PPP1R12A: variants seen among roughly 807,000 people sequenced by gnomAD.
PPP1R12A encodes myosin binding subunit.
PPP1R12A carries 19 observed loss-of-function variants against 139.6 expected under a neutral mutation model. That is an observed-to-expected ratio of 0.14 (90% CI 0.09 to 0.20). The LOEUF (loss-of-function observed/expected upper bound fraction) is 0.20. Ranked by LOEUF, PPP1R12A falls within the 10% of genes least tolerant of loss-of-function variation. The pLI is 1.00. For missense variants in PPP1R12A, 925 were observed against 1,211.5 expected (o/e 0.76, Z 3.51); for synonymous variants, 427 against 420.6 (o/e 1.02, Z -0.19).
intron 2 of PPP1R12A, among the ~76,000 whole-genome samples, chr12:79,852,166 T>C (rs531150911): frequency 1.3e-5 from 2 of 151,838 alleles, no homozygotes; most frequent in African/African-American, 2.4e-5. Flanking sequence ...TCTAGGTTCC[T>C]AGTATGACAA....
At chr12:79,824,036 T>C (rs2137123655) in intron 5 of PPP1R12A, 1 of 152,334 alleles carries the variant, frequency 6.6e-6, no homozygotes, top group East Asian at 1.9e-4. Context: ...AGACAATCTA[T>C]CCTTTCCCAC....
intron 3 of PPP1R12A, among the ~76,000 whole-genome samples, chr12:79,840,393 T>A (rs984932467): frequency 6.6e-6 from 1 of 152,276 alleles, no homozygotes; most frequent in East Asian, 1.9e-4. Context: ...TTCCCAGAAC[T>A]CCCCCTCCTT....
chr12:79,912,230 T>G (rs928792581), intron 1 of PPP1R12A, among the ~76,000 whole-genome samples: 1 of 152,200 alleles, frequency 6.6e-6, no homozygotes, highest in Non-Finnish European at 1.5e-5. Flanking sequence ...ATCCAAACTC[T>G]CAAAACCTTC....
chr12:79,855,651 C>T (rs1880560334), intron 2 of PPP1R12A, among the ~76,000 whole-genome samples: 1 of 151,928 alleles, frequency 6.6e-6, no homozygotes, highest in Non-Finnish European at 1.5e-5. Flanking sequence ...TTATGTAACA[C>T]TCCCACCAGG....
intron 18 of PPP1R12A, among the ~76,000 whole-genome samples, chr12:79,794,987 G>T (rs1872343646): frequency 6.7e-6 from 1 of 149,554 alleles, no homozygotes; most frequent in East Asian, 2.0e-4. Context: ...GAGAACATGG[G>T]GGCAATCTAC....
intron 1 of PPP1R12A, among the ~76,000 whole-genome samples, chr12:79,925,072 C>A (rs1887728740): frequency 6.6e-6 from 1 of 152,058 alleles, no homozygotes; most frequent in African/African-American, 2.4e-5. Flanking sequence ...AAAAAAAACT[C>A]TCAACACTGA....
At chr12:79,801,851 A>G (rs1873221830) in intron 14 of PPP1R12A, among the ~76,000 whole-genome samples, 1 of 152,182 alleles carries the variant, frequency 6.6e-6, no homozygotes, top group Admixed American at 6.5e-5. Context: ...ACATAATTAC[A>G]TTTGTAGCTA....
chr12:79,904,739 T>C (rs1164158544), intron 1 of PPP1R12A, among the ~76,000 whole-genome samples: 1 of 152,216 alleles, frequency 6.6e-6, no homozygotes, highest in African/African-American at 2.4e-5. Context: ...TCTGCAGATT[T>C]CACTTGCTCC....
chr12:79,789,699 A>C (rs937871354), intron 20 of PPP1R12A: 1 of 450,398 alleles, frequency 2.2e-6, no homozygotes, highest in Non-Finnish European at 4.4e-6. Flanking sequence ...AACAATGATA[A>C]GAGAAATGGA....
chr12:79,813,942 A>G (rs969195947), intron 9 of PPP1R12A, among the ~76,000 whole-genome samples: 1 of 152,218 alleles, frequency 6.6e-6, no homozygotes, highest in Non-Finnish European at 1.5e-5. Context: ...GGAGAACTTG[A>G]TAACTTTATC....
At chr12:79,805,342 TAAGAA>T (rs1455044465) in intron 14 of PPP1R12A, among the ~76,000 whole-genome samples, 1 of 152,222 alleles carries the variant, frequency 6.6e-6, no homozygotes, top group Non-Finnish European at 1.5e-5. Context: ...CTAAAATGTT[TAAGAA>T]AACAACTGTC....
chr12:79,861,173 C>A (rs1374157951), intron 2 of PPP1R12A, among the ~76,000 whole-genome samples: 1 of 152,064 alleles, frequency 6.6e-6, no homozygotes, highest in Non-Finnish European at 1.5e-5. Context: ...TCTTGCAATA[C>A]CAAAGAGTAA....
At chr12:79,876,243 CATACTATAT>C (rs1234631617) in intron 1 of PPP1R12A, among the ~76,000 whole-genome samples, 1 of 152,188 alleles carries the variant, frequency 6.6e-6, no homozygotes, top group Non-Finnish European at 1.5e-5. Flanking sequence ...TTTATTACAA[CATACTATAT>C]ATACTTTGCT....
At chr12:79,904,170 A>G (rs921980799) in intron 1 of PPP1R12A, among the ~76,000 whole-genome samples, 4 of 151,726 alleles carry the variant, frequency 2.6e-5, no homozygotes, top group Non-Finnish European at 5.9e-5. Flanking sequence ...AGCTGAGATC[A>G]TACCACTGCA....
intron 1 of PPP1R12A, among the ~76,000 whole-genome samples, chr12:79,887,637 C>T (rs567229476): frequency 2.2e-4 from 33 of 152,202 alleles, no homozygotes; most frequent in Admixed American, 1.6e-3. Context: ...GGTTTCCTTG[C>T]TGAATTCTAT....
intron 1 of PPP1R12A, among the ~76,000 whole-genome samples, chr12:79,904,972 C>G (rs1885968744): frequency 6.6e-6 from 1 of 152,198 alleles, no homozygotes; most frequent in African/African-American, 2.4e-5. Flanking sequence ...AAAAACATTT[C>G]TAAAACCTAA....
At chr12:79,783,815 A>G (rs541866848) in intron 22 of PPP1R12A, among the ~76,000 whole-genome samples, 1 of 152,258 alleles carries the variant, frequency 6.6e-6, no homozygotes, top group Non-Finnish European at 1.5e-5. Flanking sequence ...ACATCAGTTT[A>G]GATAGTATTT....
At chr12:79,906,637 AAATT>A (rs1010539447) in intron 1 of PPP1R12A, among the ~76,000 whole-genome samples, 51 of 150,526 alleles carry the variant, frequency 3.4e-4, no homozygotes, top group Non-Finnish European at 2.7e-4. Context: ...ATTTATTTAT[AAATT>A]TATTTATTTT....
chr12:79,891,544 A>G (rs1258625074), intron 1 of PPP1R12A, among the ~76,000 whole-genome samples: 1 of 152,156 alleles, frequency 6.6e-6, no homozygotes. Context: ...AATACCACAA[A>G]TATTATATTA....
Sources: allele counts gnomAD v4.1 joint callset (sites outside exome capture counted in the v4.1 genomes callset), GRCh38; gene constraint gnomAD v4.1.1; transcripts MANE v1.5; gene names NCBI Gene and HGNC (gene_info 2026-07-23, HGNC 2026-07-21).